The following HIGD1C variants were observed in gnomAD, a reference collection of about 807,000 sequenced individuals.
The protein encoded by HIGD1C is HIG1 hypoxia inducible domain family member 1C.
In HIGD1C, 11 loss-of-function variants were observed where a neutral mutation model predicts 13.1. The ratio of observed to expected loss-of-function variants is 0.84; its 90% CI spans 0.53 to 1.39. The LOEUF (loss-of-function observed/expected upper bound fraction) is 1.39, where lower values mean the gene tolerates loss of function less well. HIGD1C is among the 40% of genes most tolerant of loss of function. HIGD1C has a pLI of 0.00. For synonymous variants in HIGD1C, 36 were observed against 37.7 expected (o/e 0.95, Z 0.17); for missense variants, 110 against 112.0 (o/e 0.98, Z 0.08).
At chr12:50,959,809 G>A (rs375719973) in intron 1 of HIGD1C, among the ~76,000 whole-genome samples, 327 of 152,056 alleles carry the variant, frequency 2.2e-3, no homozygotes, top group Admixed American at 6.4e-3. Flanking sequence ...CACCACGCCC[G>A]GCTAATTTTT....
intron 2 of HIGD1C, among the ~76,000 whole-genome samples, chr12:50,961,931 C>T (rs1027061809): frequency 2.6e-5 from 4 of 152,150 alleles, no homozygotes; most frequent in African/African-American, 9.7e-5. Flanking sequence ...AGTTACAGTC[C>T]TCATTTTCAT....
intron 2 of HIGD1C, among the ~76,000 whole-genome samples, chr12:50,968,102 A>AAGGAGGAGG (rs35382142): frequency 4.8e-5 from 7 of 147,240 alleles, no homozygotes; most frequent in Non-Finnish European, 7.4e-5. Context: ...TAAGAAGAAG[A>AAGGAGGAGG]AGGAGGAGGA....
the HIGD1C span, among the ~76,000 whole-genome samples, chr12:50,947,348 C>T: frequency 1.6e-4 from 25 of 152,194 alleles, no homozygotes; most frequent in Admixed American, 1.6e-3. Context: ...AAGGTGTCAG[C>T]AGGTCTGTGT....
intron 2 of HIGD1C, among the ~76,000 whole-genome samples, chr12:50,969,702 C>CAA (rs757808017): frequency 0.19 from 20,893 of 112,452 alleles, 1,719 homozygotes; most frequent in South Asian, 0.32. Flanking sequence ...GACTCCATCT[C>CAA]AAAAAAAAAA....
intron 2 of HIGD1C, among the ~76,000 whole-genome samples, chr12:50,962,114 A>G (rs1482881690): frequency 6.6e-6 from 1 of 152,202 alleles, no homozygotes; most frequent in Non-Finnish European, 1.5e-5. Flanking sequence ...GGCTGGGCGC[A>G]GTGGCTTGCA....
intron 2 of HIGD1C, among the ~76,000 whole-genome samples, chr12:50,967,980 G>A (rs1052745683): frequency 2.0e-5 from 3 of 152,090 alleles, no homozygotes; most frequent in Admixed American, 1.3e-4. Flanking sequence ...CCAGCTACTC[G>A]GGAGGCTGAG....
chr12:50,941,272 G>A, the HIGD1C span, among the ~76,000 whole-genome samples: 1 of 152,142 alleles, frequency 6.6e-6, no homozygotes, highest in African/African-American at 2.4e-5. Context: ...ACAACCATGA[G>A]CCACTGCACT....
chr12:50,962,256 C>A (rs541114716), intron 2 of HIGD1C, among the ~76,000 whole-genome samples: 81 of 141,804 alleles, frequency 5.7e-4, no homozygotes, highest in African/African-American at 2.0e-3. Context: ...CACACACACA[C>A]AAAATAGCTG....
At chr12:50,940,773 T>G in the HIGD1C span, among the ~76,000 whole-genome samples, 1 of 151,828 alleles carries the variant, frequency 6.6e-6, no homozygotes, top group African/African-American at 2.4e-5. Context: ...TACATCTATA[T>G]ATCTACAAAT....
chr12:50,958,083 G>T lies in HIGD1C; in HGVS notation c.95-2885G>T, dbSNP rs114511012. ...GGCCTGCCAAAGTGCTGGCATTACAGGCATGAGCTACCATGCCTGATCCTG... is the reference window on the plus strand; with the variant it reads ...GGCCTGCCAAAGTGCTGGCATTACATGCATGAGCTACCATGCCTGATCCTG... On this transcript the variant is annotated intron_variant, in intron 1 of 2. Transcript: ENST00000398455. Among the ~76,000 whole-genome samples the T allele has an allele frequency of 3.3e-3, 495 of 151,658 alleles. 1 individual carries two copies. Among genetic ancestry groups the T allele is most frequent in the African/African-American group, 0.011 (471 of 41,364 alleles).
At chr12:50,942,483 C>T in the HIGD1C span, among the ~76,000 whole-genome samples, 1 of 152,146 alleles carries the variant, frequency 6.6e-6, no homozygotes, top group African/African-American at 2.4e-5. Context: ...TATGCTGCTA[C>T]CAGAACCTAA....
intron 2 of HIGD1C, among the ~76,000 whole-genome samples, chr12:50,962,232 TACACACACACAC>T (rs34526248): frequency 2.1e-5 from 3 of 146,292 alleles, no homozygotes; most frequent in African/African-American, 5.0e-5. Context: ...CTAAAAAAAT[TACACACACACAC>T]ACACACACAC....
Position 50,966,547 on chromosome 12 carries a change from C to T in HIGD1C, c.230-3895C>T, listed in dbSNP as rs193101006. Among the ~76,000 whole-genome samples, 192 of 152,294 alleles carry T rather than the reference C, an allele frequency of 1.3e-3. 4 individuals are homozygous for T. The highest frequency in any genetic ancestry group is 9.7e-3 in the Admixed American group (149 of 15,294). Reference sequence around the variant, plus strand: ...TCAGTTGTGACAACCAAAAACATCTCCAGACATTACCATATTTCCCTGGGG... The same window carrying T: ...TCAGTTGTGACAACCAAAAACATCTTCAGACATTACCATATTTCCCTGGGG... On this transcript the variant is annotated intron_variant, in intron 2 of 2. Transcript: ENST00000398455.
exon 1 of HIGD1C, chr12:50,954,051 G>C (rs531251342): frequency 2.5e-6 from 4 of 1,613,108 alleles, no homozygotes; most frequent in Non-Finnish European, 1.7e-6. Flanking sequence ...CAATTATCCC[G>C]ACTAATCAGG....
At chr12:50,950,577 G>T (rs1226652495), upstream of HIGD1C, among the ~76,000 whole-genome samples, 1 of 151,382 alleles carries the variant, frequency 6.6e-6, no homozygotes, top group East Asian at 1.9e-4. Flanking sequence ...ATCTTGGCTC[G>T]TTGCAACCTC....
chr12:50,949,538 T>C (rs1938854478), upstream of HIGD1C, among the ~76,000 whole-genome samples: 1 of 134,354 alleles, frequency 7.4e-6, no homozygotes, highest in East Asian at 2.2e-4. Flanking sequence ...TTTTTTTTTT[T>C]TTTTTTTTTT....
At chr12:50,957,338 G>C (rs1458429080) in intron 1 of HIGD1C, among the ~76,000 whole-genome samples, 2 of 151,556 alleles carry the variant, frequency 1.3e-5, no homozygotes, top group Non-Finnish European at 2.9e-5. Context: ...AGCTTCCTGA[G>C]TAAGCATGCG....
chr12:50,940,609 G>A, the HIGD1C span, among the ~76,000 whole-genome samples: 56 of 151,344 alleles, frequency 3.7e-4, no homozygotes, highest in South Asian at 1.5e-3. Flanking sequence ...CCATAGTCTC[G>A]CTACTCAGGA....
the HIGD1C span, among the ~76,000 whole-genome samples, chr12:50,941,601 A>G: frequency 6.6e-6 from 1 of 152,190 alleles, no homozygotes; most frequent in African/African-American, 2.4e-5. Flanking sequence ...CTCTAGAAAA[A>G]TGCTCCTACA....
Sources: allele counts gnomAD v4.1 joint callset (sites outside exome capture counted in the v4.1 genomes callset), GRCh38; gene constraint gnomAD v4.1.1; transcripts MANE v1.5; gene names NCBI Gene and HGNC (gene_info 2026-07-23, HGNC 2026-07-21).